Variants in IL17C observed in about 807,000 individuals in gnomAD.
IL17C encodes interleukin-17C.
A neutral mutation model predicts 11.0 loss-of-function variants in IL17C; 13 were observed. The observed-to-expected ratio is 1.18, with a 90% CI of 0.77 to 1.88. The LOEUF is 1.88. Among genes scored for constraint, IL17C ranks in the 40% most tolerant of loss-of-function variants. IL17C has a pLI of 0.00. For missense variants in IL17C, 357 were observed against 278.2 expected, an observed-to-expected ratio of 1.28 and a Z score of -2.01; for synonymous variants, 150 against 125.8, an observed-to-expected ratio of 1.19 and a Z score of -1.29.
Position 88,639,016 on chromosome 16 carries a change from C to T in IL17C, c.42C>T (p.His14=). 1 of 1,598,162 alleles carries T rather than the reference C, an allele frequency of 6.3e-7. No individual in the cohort carries two copies. The highest frequency in any genetic ancestry group is 8.5e-7 in the Non-Finnish European group (1 of 1,170,916). ...GCCTCCTGTTTCTGACCTGGCTGCA[C>T]ACATGCCTGGCCCACCATGACCCCT... is the stretch of plus-strand genomic sequence containing the variant. ...LPGLLFLTWL[H]TCLAHHDPSL... The change falls in exon 2 of 3, where the codon CAC becomes CAT. Residue 14 remains histidine, a synonymous_variant. Coordinates refer to ENST00000244241, the MANE Select transcript of IL17C (RefSeq NM_013278.4). The surrounding 1 kb of genome is among the most constrained non-coding windows in gnomAD (Gnocchi z 5.1).
chr16:88,640,126 C>G lies in IL17C; in HGVS notation c.*54C>G. 6.7e-7 allele frequency: 1 copy of G among 1,498,580 alleles called. No homozygotes were observed. Among genetic ancestry groups the G allele is most frequent in the Non-Finnish European group, 8.9e-7 (1 of 1,123,188 alleles). 92.8% of individuals were successfully genotyped at this position (1,498,580 alleles called of 1,614,324 possible). Reference sequence around the variant, plus strand: ...GACACGTGTGCTCCCCAGAGGGCACCCCCTATTTATGTGTATTTATTGTTA... The same window carrying G: ...GACACGTGTGCTCCCCAGAGGGCACGCCCTATTTATGTGTATTTATTGTTA... On this transcript the variant is annotated 3_prime_UTR_variant, in exon 3 of 3. Coordinates refer to ENST00000244241, the MANE Select transcript of IL17C (RefSeq NM_013278.4).
chr16:88,640,191 A>G lies in IL17C; in HGVS notation c.*119A>G. On this transcript the variant is annotated 3_prime_UTR_variant, in exon 3 of 3. Coordinates refer to ENST00000244241, the MANE Select transcript of IL17C (RefSeq NM_013278.4). ...CCAACACTACCCTTGGGGTCTGGGC[A>G]TTCCCCGTGTCTGGAGGACAGCCCC... 8.4e-7 allele frequency: 1 copy of G among 1,188,574 alleles called. No individual in the cohort carries two copies. Among genetic ancestry groups the G allele is most frequent in the Non-Finnish European group, 1.2e-6 (1 of 866,484 alleles). The allele number at this position is 1,188,574 out of a possible 1,614,324, so 73.6% of individuals were successfully genotyped here. A position where few individuals can be genotyped will look rare whatever the true frequency, so the allele number is the denominator to read the frequency against.
rs1907027237 is a variant in IL17C at position 88,640,374 on chromosome 16, C to T, written c.*302C>T. On this transcript the variant is annotated 3_prime_UTR_variant, in exon 3 of 3. Transcript: ENST00000244241. Reference sequence around the variant, plus strand: ...CCCTTACCCTATCACTGGCCTCAGGCCCCCGCAGGCTGCCTCTTCCCAACC... The same window carrying T: ...CCCTTACCCTATCACTGGCCTCAGGTCCCCGCAGGCTGCCTCTTCCCAACC... The T allele has an allele frequency of 2.7e-6, 1 of 375,434 alleles. No individual in the cohort carries two copies. The highest frequency in any genetic ancestry group is 4.2e-5 in the Admixed American group (1 of 23,962). The allele number at this position is 375,434 out of a possible 1,614,324, so 23.3% of individuals were successfully genotyped here. A position where few individuals can be genotyped will look rare whatever the true frequency, so the allele number is the denominator to read the frequency against.
chr16:88,640,061 C>G lies in IL17C; in HGVS notation c.583C>G (p.Arg195Gly). Residue 195 changes from arginine to glycine, a missense_variant, in exon 3 of 3, where the codon CGT becomes GGT. By Grantham distance (125) the Arg-to-Gly change is moderately radical (BLOSUM62 -2). Transcript: ENST00000244241. ...CGTCGGCTGCACCTGCGTGCTGCCC[C>G]GTTCAGTGTGACCGCCGAGGCCGTG... Reference protein sequence around the residue: ...VPVGCTCVLPRSV With the variant: ...VPVGCTCVLPGSV 8 of 1,557,990 alleles carry G rather than the reference C, an allele frequency of 5.1e-6. No homozygotes were observed. Among genetic ancestry groups the G allele is most frequent in the Non-Finnish European group, 7.0e-6 (8 of 1,149,444 alleles).
Position 88,638,636 on chromosome 16 carries a change from G to T in IL17C, c.-6G>T. The T allele has an allele frequency of 1.9e-6, 3 of 1,612,722 alleles. No homozygotes were observed. The highest frequency in any genetic ancestry group is 2.2e-5 in the South Asian group (2 of 91,068). On this transcript the variant is annotated 5_prime_UTR_variant, in exon 1 of 3. Coordinates refer to ENST00000244241, the MANE Select transcript of IL17C (RefSeq NM_013278.4). ...TCCAAGCCCAGCCTGCCCCGCTGCC[G>T]CCACCATGACGGTGAGCCTCTCCAC... is the stretch of plus-strand genomic sequence containing the variant.
At position 88,640,083 on chromosome 16, in the gene IL17C, C is replaced by T. The variant is rs763337313; in HGVS notation, c.*11C>T. 5 of 1,538,068 alleles carry T rather than the reference C, an allele frequency of 3.3e-6. No homozygotes were observed. The highest frequency in any genetic ancestry group is 2.5e-5 in the South Asian group (2 of 80,206). On this transcript the variant is annotated 3_prime_UTR_variant, in exon 3 of 3. Coordinates refer to ENST00000244241, the MANE Select transcript of IL17C (RefSeq NM_013278.4). ...CCCCGTTCAGTGTGACCGCCGAGGCCGTGGGGCCCCTAGACTGGACACGTG... is the reference window on the plus strand; with the variant it reads ...CCCCGTTCAGTGTGACCGCCGAGGCTGTGGGGCCCCTAGACTGGACACGTG...
At position 88,639,752 on chromosome 16, in the gene IL17C, GGA is replaced by G; in HGVS notation, c.336-58_336-57del. 6.8e-7 allele frequency: 1 copy of G among 1,462,056 alleles called. No homozygotes were observed. The highest frequency in any genetic ancestry group is 9.1e-7 in the Non-Finnish European group (1 of 1,104,454). The allele number at this position is 1,462,056 out of a possible 1,614,324, so 90.6% of individuals were successfully genotyped here. A position where few individuals can be genotyped will look rare whatever the true frequency, so the allele number is the denominator to read the frequency against. ...GAGTACACGGAGAGGGGCCCTGAGG[GGA>G]GAGGGGCCTCCAGGAGGACAGGGTA... On this transcript the variant is annotated intron_variant, in intron 2 of 2. Transcript: ENST00000244241. This position sits in a 1 kb window ranked among gnomAD's most constrained non-coding sequence, Gnocchi z 5.1.
At position 88,639,929 on chromosome 16, in the gene IL17C, C is replaced by A. The variant is rs919035949; in HGVS notation, c.451C>A (p.Leu151Met). The change falls in exon 3 of 3, where the codon CTG becomes ATG. Residue 151 changes from leucine (L) to methionine (M), a missense_variant. Physicochemically the swap from Leu to Met is conservative, Grantham distance 15. Coordinates refer to ENST00000244241, the MANE Select transcript of IL17C (RefSeq NM_013278.4). This position sits in a 1 kb window ranked among gnomAD's most constrained non-coding sequence, Gnocchi z 5.1. The stretch of plus-strand genomic sequence containing the variant: ...GACAGCTGCGCTCAACTCCGTGCGG[C>A]TGCTCCAGAGCCTGCTGGTGCTGCG... ...RETAALNSVR[L>M]LQSLLVLRRR... 1 of 1,610,478 alleles carries A rather than the reference C, an allele frequency of 6.2e-7. No individual in the cohort carries two copies. Among genetic ancestry groups the A allele is most frequent in the African/African-American group, 1.3e-5 (1 of 74,918 alleles).
intron 1 of IL17C, 21 bp from the exon 2 acceptor site, chr16:88,638,960 C>G (rs1407452192): frequency 1.3e-6 from 2 of 1,545,376 alleles, no homozygotes; most frequent in Non-Finnish European, 1.7e-6. Flanking sequence ...CTCCTAACCA[C>G]CCACCTGCCT....
Position 88,640,027 on chromosome 16 carries a change from C to A in IL17C, c.549C>A (p.Ile183=). 2 of 1,596,260 alleles carry A rather than the reference C, an allele frequency of 1.3e-6. No homozygotes were observed. The highest frequency in any genetic ancestry group is 2.2e-5 in the South Asian group (2 of 89,480). The change falls in exon 3 of 3, where the codon ATC becomes ATA. Residue 183 remains isoleucine (I), a synonymous_variant. Coordinates refer to ENST00000244241, the MANE Select transcript of IL17C (RefSeq NM_013278.4). ...CCTTTGCCTTCCACACCGAGTTCAT[C>A]CACGTCCCCGTCGGCTGCACCTGCG... The part of the protein sequence containing the change: ...PGAFAFHTEF[I]HVPVGCTCVL...
chr16:88,639,174 T>C lies in IL17C; in HGVS notation c.200T>C (p.Val67Ala), dbSNP rs1906981382. 6.2e-7 allele frequency: 1 copy of C among 1,612,836 alleles called. No homozygotes were observed. The change falls in exon 2 of 3, where the codon GTG (valine) becomes GCG (alanine). Residue 67 changes from valine to alanine, a missense_variant. Transcript: ENST00000244241. This position sits in a 1 kb window ranked among gnomAD's most constrained non-coding sequence, Gnocchi z 5.1. ...KWGQALPVALVSSLEAASHRG... is the reference protein window; with the variant it reads ...KWGQALPVALASSLEAASHRG... The stretch of plus-strand genomic sequence containing the variant: ...GGGCAGGCTTTGCCTGTAGCCCTGG[T>C]GTCCAGCCTGGAGGCAGCAAGCCAC...
rs780388056 is a variant in IL17C, at chr16:88,638,609, G to A, written c.-33G>A. ...GGGATTGCCGCCAGGTGTGCAGGCCGCTCCAAGCCCAGCCTGCCCCGCTGC... is the reference window on the plus strand; with the variant it reads ...GGGATTGCCGCCAGGTGTGCAGGCCACTCCAAGCCCAGCCTGCCCCGCTGC... On this transcript the variant is annotated 5_prime_UTR_variant, in exon 1 of 3. Coordinates refer to ENST00000244241, the MANE Select transcript of IL17C (RefSeq NM_013278.4). 24 of 1,611,832 alleles carry A rather than the reference G, an allele frequency of 1.5e-5. No homozygotes were observed. The highest frequency in any genetic ancestry group is 2.7e-5 in the African/African-American group (2 of 74,878).
At position 88,639,941 on chromosome 16, in the gene IL17C, CT is replaced by C; in HGVS notation, c.464del (p.Leu155ArgfsTer102). The C allele has an allele frequency of 6.2e-7, 1 of 1,610,370 alleles. No homozygotes were observed. The highest frequency in any genetic ancestry group is 1.7e-5 in the Admixed American group (1 of 59,936). On this transcript the variant is annotated frameshift_variant, in exon 3 of 3. Transcript: ENST00000244241. This position sits in a 1 kb window ranked among gnomAD's most constrained non-coding sequence, Gnocchi z 5.1. ...CAACTCCGTGCGGCTGCTCCAGAGC[CT>C]GCTGGTGCTGCGCCGCCGGCCCTGC... ...ALNSVRLLQS[L>X]LVLRRRPCSR...
Position 88,639,075 on chromosome 16 carries a change from C to G in IL17C, c.101C>G (p.Pro34Arg). The stretch of plus-strand genomic sequence containing the variant: ...GGGCACCCCCACAGTCACGGTACCC[C>G]ACACTGCTACTCGGCTGAGGAACTG... ...LRGHPHSHGT[P>R]HCYSAEELPL... The change falls in exon 2 of 3, where the codon CCA (proline) becomes CGA (arginine). Residue 34 changes from proline to arginine, a missense_variant. Physicochemically the swap from Pro to Arg is moderately radical, Grantham distance 103. Transcript: ENST00000244241. This position sits in a 1 kb window ranked among gnomAD's most constrained non-coding sequence, Gnocchi z 5.1. 6.2e-7 allele frequency: 1 copy of G among 1,613,210 alleles called. No individual in the cohort carries two copies. The highest frequency in any genetic ancestry group is 1.3e-5 in the African/African-American group (1 of 75,046).
In IL17C at chr16:88,639,336, C is replaced by T. The variant is rs775524048; in HGVS notation, c.335+27C>T. The T allele has an allele frequency of 3.3e-6, 5 of 1,524,734 alleles. No homozygotes were observed. Among genetic ancestry groups the T allele is most frequent in the Non-Finnish European group, 2.6e-6 (3 of 1,135,228 alleles). The allele number at this position is 1,524,734 out of a possible 1,614,324, so 94.5% of individuals were successfully genotyped here. A position where few individuals can be genotyped will look rare whatever the true frequency, so the allele number is the denominator to read the frequency against. The stretch of plus-strand genomic sequence containing the variant: ...TGAGGACCTGGGGATTCCGCTGTGG[C>T]GTGGGGCTGCCCCTCCCCTGGCGGG... On this transcript the variant is annotated intron_variant, in intron 2 of 2. Transcript: ENST00000244241. The surrounding 1 kb of genome is among the most constrained non-coding windows in gnomAD (Gnocchi z 5.1).
chr16:88,640,230 C>G lies in IL17C; in HGVS notation c.*158C>G, dbSNP rs753873230. ...GAGGACAGCCCCCCACTGTTCTCCT[C>G]ATCTCCAGCCTCAGTAGTTGGGGGT... On this transcript the variant is annotated 3_prime_UTR_variant, in exon 3 of 3. Transcript: ENST00000244241. 28 of 754,664 alleles carry G rather than the reference C, an allele frequency of 3.7e-5. No homozygotes were observed. The highest frequency in any genetic ancestry group is 5.5e-5 in the Non-Finnish European group (27 of 493,090). 46.7% of individuals were successfully genotyped at this position (754,664 alleles called of 1,614,324 possible). A position where few individuals can be genotyped will look rare whatever the true frequency, so the allele number is the denominator to read the frequency against.
At chr16:88,638,701 C>T in intron 1 of IL17C, 54 bp downstream of exon 1, 4 of 1,612,374 alleles carry the variant, frequency 2.5e-6, no homozygotes, top group Non-Finnish European at 3.4e-6. Context: ...TGCAGCCTGG[C>T]ATGGAAGGGC....
Position 88,639,687 on chromosome 16 carries a change from G to A in IL17C, c.336-127G>A, listed in dbSNP as rs1203370623. On this transcript the variant is annotated intron_variant, in intron 2 of 2. Coordinates refer to ENST00000244241, the MANE Select transcript of IL17C (RefSeq NM_013278.4). This position sits in a 1 kb window ranked among gnomAD's most constrained non-coding sequence, Gnocchi z 5.1. ...ACATGTGAGCCCGACTGCACCCCAA[G>A]CCCGTGTGGCTCAGCCCTCGCTGCC... is the stretch of plus-strand genomic sequence containing the variant. The A allele has an allele frequency of 8.5e-7, 1 of 1,178,192 alleles. No individual in the cohort carries two copies. Among genetic ancestry groups the A allele is most frequent in the East Asian group, 2.6e-5 (1 of 38,164 alleles). 73.0% of individuals were successfully genotyped at this position (1,178,192 alleles called of 1,614,324 possible). A position where few individuals can be genotyped will look rare whatever the true frequency, so the allele number is the denominator to read the frequency against.
Position 88,640,214 on chromosome 16 carries a change from C to G in IL17C, c.*142C>G. 1.1e-6 allele frequency: 1 copy of G among 913,302 alleles called. No individual in the cohort carries two copies. The highest frequency in any genetic ancestry group is 1.6e-6 in the Non-Finnish European group (1 of 627,218). The allele number at this position is 913,302 out of a possible 1,614,324, so 56.6% of individuals were successfully genotyped here. A position where few individuals can be genotyped will look rare whatever the true frequency, so the allele number is the denominator to read the frequency against. The stretch of plus-strand genomic sequence containing the variant: ...GCATTCCCCGTGTCTGGAGGACAGC[C>G]CCCCACTGTTCTCCTCATCTCCAGC... On this transcript the variant is annotated 3_prime_UTR_variant, in exon 3 of 3. Transcript: ENST00000244241.
Sources: allele counts gnomAD v4.1 joint callset, GRCh38; gene constraint gnomAD v4.1.1; non-coding constraint Gnocchi (gnomAD v3.1); transcripts MANE v1.5; gene names NCBI Gene and HGNC (gene_info 2026-07-23, HGNC 2026-07-21).